The following NFIC variants were observed in gnomAD, a reference collection of about 807,000 sequenced individuals.
NFIC encodes nuclear factor 1 C-type.
Under a neutral mutation model 54.4 loss-of-function variants are expected in NFIC, and 12 were observed. The ratio of observed to expected loss-of-function variants is 0.22; its 90% CI spans 0.14 to 0.36. The LOEUF is 0.36. NFIC is among the 10% of genes least tolerant of loss of function. The probability of loss-of-function intolerance (pLI) is 1.00; values close to 1 mark genes in which losing one functional copy is unlikely to be tolerated. For synonymous variants in NFIC, 322 were observed against 319.2 expected, an observed-to-expected ratio of 1.01 and a Z score of -0.09; for missense variants, 575 against 718.2, an observed-to-expected ratio of 0.80 and a Z score of 2.28.
At chr19:3,414,828 GTTTTTTGT>G (rs1171337071) in intron 2 of NFIC, among the ~76,000 whole-genome samples, 1 of 150,908 alleles carries the variant, frequency 6.6e-6, no homozygotes, top group African/African-American at 2.4e-5. Flanking sequence ...TTGTTTTTTT[GTTTTTTGT>G]TTTTTTGTTT....
intron 1 of NFIC, among the ~76,000 whole-genome samples, chr19:3,368,027 G>C (rs1455745889): frequency 6.6e-6 from 1 of 151,928 alleles, no homozygotes; most frequent in African/African-American, 2.4e-5. Context: ...CCTTGGGTAA[G>C]TCCCTGTCCC....
intron 1 of NFIC, among the ~76,000 whole-genome samples, chr19:3,378,084 A>C (rs2081138951): frequency 6.6e-6 from 1 of 151,778 alleles, no homozygotes; most frequent in Non-Finnish European, 1.5e-5. Context: ...ATCTCTACTA[A>C]AAATACAAAA....
chr19:3,454,549 C>G (rs1254042798), intron 9 of NFIC, among the ~76,000 whole-genome samples: 1 of 151,922 alleles, frequency 6.6e-6, no homozygotes, highest in Non-Finnish European at 1.5e-5. Flanking sequence ...TGCTGGATGG[C>G]CCCTCGGTCC....
chr19:3,365,098 T>C (rs2080864181), upstream of NFIC, among the ~76,000 whole-genome samples: 1 of 152,128 alleles, frequency 6.6e-6, no homozygotes, highest in Admixed American at 6.5e-5. Context: ...GGAATTCTGC[T>C]CCCTCCTAGT....
At chr19:3,363,261 A>ATT (rs1568391895), upstream of NFIC, among the ~76,000 whole-genome samples, 18 of 64,720 alleles carry the variant, frequency 2.8e-4, no homozygotes, top group African/African-American at 1.1e-3. Context: ...ATATATATAT[A>ATT]TATATATATT....
intron 6 of NFIC, among the ~76,000 whole-genome samples, chr19:3,438,786 C>T (rs749141421): frequency 8.5e-5 from 13 of 152,112 alleles, no homozygotes; most frequent in Non-Finnish European, 1.3e-4. Flanking sequence ...TGTGCTGGCC[C>T]TACCTGAGGC....
chr19:3,374,952 C>T (rs1599564945), intron 1 of NFIC, among the ~76,000 whole-genome samples: 1 of 152,114 alleles, frequency 6.6e-6, no homozygotes, highest in Non-Finnish European at 1.5e-5. Flanking sequence ...TCACCACTGA[C>T]GTGGGCCCCC....
intron 7 of NFIC, among the ~76,000 whole-genome samples, chr19:3,450,514 G>C (rs1197423870): frequency 6.6e-6 from 1 of 151,712 alleles, no homozygotes; most frequent in Non-Finnish European, 1.5e-5. Flanking sequence ...AATTAGCTCG[G>C]TGTGGTGATG....
In NFIC at chr19:3,395,475, G is replaced by A. The variant is rs368766824; in HGVS notation, c.562+13232G>A. On this transcript the variant is annotated intron_variant, in intron 2 of 10. Coordinates refer to ENST00000443272, the MANE Select transcript of NFIC (RefSeq NM_001245002.2). ...AGTCGCTGGGGCTGGGATTACAGGC[G>A]CATACCACCATGGTTGATTTTTTTT... 3.4e-4 allele frequency among the ~76,000 whole-genome samples: 51 copies of A among 148,892 alleles called. 1 individual carries two copies. The highest frequency in any genetic ancestry group is 1.1e-3 in the African/African-American group (46 of 40,732).
intron 3 of NFIC, among the ~76,000 whole-genome samples, chr19:3,432,977 T>G (rs527495208): frequency 6.8e-6 from 1 of 148,080 alleles, no homozygotes; most frequent in South Asian, 2.1e-4. Context: ...GCTCCACTCG[T>G]TTTTTAAGAG....
upstream of NFIC, among the ~76,000 whole-genome samples, chr19:3,361,737 C>T (rs900565375): frequency 6.6e-6 from 1 of 152,118 alleles, no homozygotes; most frequent in African/African-American, 2.4e-5. Context: ...TATCTCCCTC[C>T]GCACTCCCGG....
chr19:3,439,170 T>TAA lies in NFIC; in HGVS notation c.958+3978_958+3979dup, dbSNP rs769503632. On this transcript the variant is annotated intron_variant, in intron 6 of 10. Coordinates refer to ENST00000443272, the MANE Select transcript of NFIC (RefSeq NM_001245002.2). ...AATATGGCAAGACCCCATCTCTACT[T>TAA]AAAAAAAAAAAAAAAATAGCATCAC... 2.4e-4 allele frequency among the ~76,000 whole-genome samples: 31 copies of TAA among 131,682 alleles called. 1 individual carries two copies. The highest frequency in any genetic ancestry group is 5.6e-4 in the African/African-American group (20 of 35,814). The allele number at this position is 131,682 out of a possible 152,430, so 86.4% of individuals were successfully genotyped here. A position where few individuals can be genotyped will look rare whatever the true frequency, so the allele number is the denominator to read the frequency against.
At chr19:3,376,413 T>C (rs1241601648) in intron 1 of NFIC, among the ~76,000 whole-genome samples, 3 of 100,964 alleles carry the variant, frequency 3.0e-5, no homozygotes. Context: ...TGGGCAACAG[T>C]GTGAGACACT....
At position 3,453,671 on chromosome 19, in the gene NFIC, G is replaced by A. The variant is rs562794730; in HGVS notation, c.1270-92G>A. 2.1e-3 allele frequency: 3,072 copies of A among 1,473,950 alleles called. 5 individuals are homozygous for A. Among genetic ancestry groups the A allele is most frequent in the Middle Eastern group, 2.8e-3 (16 of 5,688 alleles). 91.3% of individuals were successfully genotyped at this position (1,473,950 alleles called of 1,614,324 possible). A position where few individuals can be genotyped will look rare whatever the true frequency, so the allele number is the denominator to read the frequency against. ...GGCCCCCCAGCCTGCCACCCCGTCC[G>A]GGCCGTGCACAGAGCCGGGGGCGGC... is the stretch of plus-strand genomic sequence containing the variant. On this transcript the variant is annotated intron_variant, in intron 8 of 10. Transcript: ENST00000443272. This position sits in a 1 kb window ranked among gnomAD's most constrained non-coding sequence, Gnocchi z 6.7.
chr19:3,444,671 G>C (rs963991777), intron 6 of NFIC, among the ~76,000 whole-genome samples: 1 of 152,204 alleles, frequency 6.6e-6, no homozygotes, highest in African/African-American at 2.4e-5. Context: ...GTGGCGGCCG[G>C]GGGTGGAGTC....
At chr19:3,404,547 C>T (rs1001169308) in intron 2 of NFIC, among the ~76,000 whole-genome samples, 9 of 152,042 alleles carry the variant, frequency 5.9e-5, no homozygotes, top group Non-Finnish European at 1.0e-4. Context: ...GCCCAGGGCC[C>T]AGTGGTGCCC....
intron 3 of NFIC, among the ~76,000 whole-genome samples, chr19:3,430,284 G>A (rs187286451): frequency 2.0e-5 from 3 of 149,692 alleles, no homozygotes; most frequent in East Asian, 3.9e-4. Context: ...GTGCAGTGGC[G>A]CAATCTCGGC....
chr19:3,415,249 A>G (rs2081834744), intron 2 of NFIC, among the ~76,000 whole-genome samples: 1 of 151,282 alleles, frequency 6.6e-6, no homozygotes, highest in Non-Finnish European at 1.5e-5. Flanking sequence ...AGTAGCTAGG[A>G]CTATGGGTGC....
rs2080955355 is a variant in NFIC at position 3,369,293 on chromosome 19, C to CT, written c.30+2629dup. Among the ~76,000 whole-genome samples, 1 of 151,414 alleles carries CT rather than the reference C, an allele frequency of 6.6e-6. No homozygotes were observed. On this transcript the variant is annotated intron_variant, in intron 1 of 10. Transcript: ENST00000443272. This position sits in a 1 kb window ranked among gnomAD's most constrained non-coding sequence, Gnocchi z 4.3. ...GTCTGTCTCTTCATCTCTGTCTCAC[C>CT]TTCCCTTTCTCCTCTGTCTCTGCGT...
Sources: gnomAD v4.1 joint callset for allele counts (sites outside exome capture counted in the v4.1 genomes callset) on GRCh38, gnomAD v4.1.1 for gene constraint, Gnocchi (gnomAD v3.1) non-coding constraint, MANE v1.5 for transcripts, NCBI Gene and HGNC (gene_info 2026-07-23, HGNC 2026-07-21) for gene names.